Variants in CHST8 observed in about 807,000 individuals in gnomAD.
CHST8 encodes carbohydrate sulfotransferase 8.
In CHST8, 10 loss-of-function variants were observed where a neutral mutation model predicts 15.0. That is an observed-to-expected ratio of 0.67 (90% CI 0.41 to 1.13). The LOEUF (loss-of-function observed/expected upper bound fraction) is 1.13, where lower values mean the gene tolerates loss of function less well. Among genes scored for constraint, CHST8 ranks in the 50% most tolerant of loss-of-function variants. The probability of loss-of-function intolerance (pLI) is 0.00; values close to 1 mark genes in which losing one functional copy is unlikely to be tolerated. For synonymous variants in CHST8, 259 were observed against 256.6 expected (o/e 1.01, Z -0.09); for missense variants, 634 against 608.2 (o/e 1.04, Z -0.45).
intron 2 of CHST8, 37 bp from the exon 3 acceptor site, chr19:33,689,139 G>A (rs1306816968): frequency 1.2e-5 from 15 of 1,245,400 alleles, no homozygotes; most frequent in Middle Eastern, 5.5e-4. Context: ...CGGGTGCCTC[G>A]CGCCTCGGTG....
intron 1 of CHST8, among the ~76,000 whole-genome samples, chr19:33,650,946 C>G (rs934926028): frequency 5.3e-5 from 8 of 152,024 alleles, no homozygotes; most frequent in African/African-American, 1.9e-4. Context: ...GGTAATCTGC[C>G]CACCTCAACC....
At chr19:33,714,110 A>G (rs2145298559) in intron 3 of CHST8, among the ~76,000 whole-genome samples, 1 of 152,280 alleles carries the variant, frequency 6.6e-6, no homozygotes, top group South Asian at 2.1e-4. Flanking sequence ...AAACAACTAA[A>G]AGTAAAACTA....
chr19:33,757,514 GAAAGAA>G lies in CHST8; in HGVS notation c.131-13897_131-13892del, dbSNP rs1568358740. Among the ~76,000 whole-genome samples, 4 of 54,052 alleles carry G rather than the reference GAAAGAA, an allele frequency of 7.4e-5. 1 individual carries two copies. Among genetic ancestry groups the G allele is most frequent in the Admixed American group, 2.1e-4 (1 of 4,864 alleles). 35.5% of individuals were successfully genotyped at this position (54,052 alleles called of 152,430 possible). ...AGAAAGAAAGAAAGAAAGAAAGAAA[GAAAGAA>G]AGAGAAAGAAAGAAAGAAAGAAAGA... On this transcript the variant is annotated intron_variant, in intron 3 of 4. Coordinates refer to ENST00000650847, the MANE Select transcript of CHST8 (RefSeq NM_001127895.2).
At chr19:33,713,749 C>G (rs541904256) in intron 3 of CHST8, among the ~76,000 whole-genome samples, 2 of 152,200 alleles carry the variant, frequency 1.3e-5, no homozygotes, top group South Asian at 4.2e-4. Flanking sequence ...TTAGTAGCGA[C>G]AGGGTTTCAC....
At chr19:33,676,639 G>A (rs1224671572) in intron 2 of CHST8, among the ~76,000 whole-genome samples, 1 of 152,156 alleles carries the variant, frequency 6.6e-6, no homozygotes, top group Non-Finnish European at 1.5e-5. Flanking sequence ...ACTTTAGGAG[G>A]CTGAGGCGGA....
intron 1 of CHST8, among the ~76,000 whole-genome samples, chr19:33,639,606 T>C (rs1972251340): frequency 6.6e-6 from 1 of 152,062 alleles, no homozygotes; most frequent in Admixed American, 6.6e-5. Flanking sequence ...TTAGGATTTG[T>C]AAGTTTTGGA....
At chr19:33,665,356 A>G (rs1019865121) in intron 1 of CHST8, among the ~76,000 whole-genome samples, 2 of 152,202 alleles carry the variant, frequency 1.3e-5, no homozygotes, top group African/African-American at 2.4e-5. Context: ...TCTAGGCTTC[A>G]TGGACAAAAA....
chr19:33,678,224 G>A (rs1972835662), intron 2 of CHST8, among the ~76,000 whole-genome samples: 1 of 152,194 alleles, frequency 6.6e-6, no homozygotes, highest in African/African-American at 2.4e-5. Context: ...CTGAGGCAGA[G>A]ACTAATGGAG....
Position 33,713,034 on chromosome 19 carries a change from G to C in CHST8, c.130+23643G>C, listed in dbSNP as rs535992366. The stretch of plus-strand genomic sequence containing the variant: ...GCCCCATGGAGAGCAGCTGGGCATC[G>C]TTGATGAGGTGCTGAGCCCAGCATC... On this transcript the variant is annotated intron_variant, in intron 3 of 4. Transcript: ENST00000650847. Among the ~76,000 whole-genome samples, 224 of 152,202 alleles carry C rather than the reference G, an allele frequency of 1.5e-3. 1 individual carries two copies. Among genetic ancestry groups the C allele is most frequent in the African/African-American group, 5.2e-3 (218 of 41,540 alleles).
chr19:33,679,913 C>T (rs532158646), intron 2 of CHST8, among the ~76,000 whole-genome samples: 6 of 152,284 alleles, frequency 3.9e-5, no homozygotes. Context: ...AGATCACGCC[C>T]TTCTCTGGGC....
chr19:33,658,456 T>A (rs1972541588), intron 1 of CHST8, among the ~76,000 whole-genome samples: 1 of 152,270 alleles, frequency 6.6e-6, no homozygotes, highest in Admixed American at 6.5e-5. Flanking sequence ...CTTGCCAAAA[T>A]GTATCCTTTA....
At chr19:33,679,353 G>C (rs1972854958) in intron 2 of CHST8, among the ~76,000 whole-genome samples, 1 of 152,230 alleles carries the variant, frequency 6.6e-6, no homozygotes, top group African/African-American at 2.4e-5. Context: ...CTCTTGGCAG[G>C]ATCCAGCAGC....
At chr19:33,715,777 A>T (rs1289910023) in intron 3 of CHST8, among the ~76,000 whole-genome samples, 1 of 152,084 alleles carries the variant, frequency 6.6e-6, no homozygotes, top group African/African-American at 2.4e-5. Context: ...CCATCCATTC[A>T]TCCATCTGTT....
At chr19:33,732,155 A>G (rs748015664) in intron 3 of CHST8, among the ~76,000 whole-genome samples, 10 of 152,178 alleles carry the variant, frequency 6.6e-5, no homozygotes, top group Non-Finnish European at 1.5e-4. Context: ...CCTGAGGCTC[A>G]TGATTGCCCT....
intron 3 of CHST8, chr19:33,744,592 G>A (rs1974274540): frequency 6.6e-6 from 1 of 151,412 alleles, no homozygotes; most frequent in Non-Finnish European, 1.5e-5. Context: ...AGACAGTTTT[G>A]TTCTGTCAGC....
At chr19:33,718,488 G>A (rs1327026242) in intron 3 of CHST8, among the ~76,000 whole-genome samples, 6 of 152,244 alleles carry the variant, frequency 3.9e-5, no homozygotes, top group African/African-American at 1.4e-4. Context: ...AGTCTTCCCC[G>A]CACTCCTCTG....
At chr19:33,722,987 C>A (rs1322299163) in intron 3 of CHST8, among the ~76,000 whole-genome samples, 1 of 152,242 alleles carries the variant, frequency 6.6e-6, no homozygotes, top group Non-Finnish European at 1.5e-5. Flanking sequence ...CGAAGATAAG[C>A]CCGGCTCTGC....
At chr19:33,738,513 A>T (rs990571150) in intron 3 of CHST8, among the ~76,000 whole-genome samples, 2 of 152,248 alleles carry the variant, frequency 1.3e-5, no homozygotes, top group African/African-American at 4.8e-5. Context: ...GAAAGCCAGA[A>T]AGGAGCCCTT....
intron 3 of CHST8, among the ~76,000 whole-genome samples, chr19:33,703,980 G>A (rs1599567861): frequency 6.6e-6 from 1 of 152,298 alleles, no homozygotes; most frequent in Admixed American, 6.5e-5. Flanking sequence ...GGAGCTCCTG[G>A]GGGCTTCTCA....
Sources: allele counts gnomAD v4.1 joint callset (sites outside exome capture counted in the v4.1 genomes callset), GRCh38; gene constraint gnomAD v4.1.1; transcripts MANE v1.5; gene names NCBI Gene and HGNC (gene_info 2026-07-23, HGNC 2026-07-21).